The following PES1 variants were observed in gnomAD, a reference collection of about 807,000 sequenced individuals.
PES1 encodes pescadillo ribosomal biogenesis factor 1.
PES1 carries 31 observed loss-of-function variants against 77.1 expected under a neutral mutation model. The observed-to-expected ratio is 0.40, with a 90% confidence interval of 0.30 to 0.54. The LOEUF (loss-of-function observed/expected upper bound fraction) is 0.54. PES1 is among the 20% of genes least tolerant of loss of function. PES1 has a pLI of 0.45. For missense variants in PES1, 658 were observed against 771.7 expected (o/e 0.85, Z 1.75); for synonymous variants, 282 against 303.0 (o/e 0.93, Z 0.72).
intron 4 of PES1, among the ~76,000 whole-genome samples, chr22:30,585,714 G>C (rs1349896718): frequency 1.3e-5 from 2 of 148,414 alleles, no homozygotes; most frequent in African/African-American, 2.5e-5. Flanking sequence ...GGGGTTGGGG[G>C]GAGTGGGGGC....
intron 4 of PES1, chr22:30,587,035 C>G (rs2087101609): frequency 2.1e-6 from 1 of 470,698 alleles, no homozygotes; most frequent in Non-Finnish European, 3.8e-6. Context: ...TTGCCATGGC[C>G]TCTGCTTGGA....
At chr22:30,582,793 CCT>C (rs3214241) in intron 6 of PES1, among the ~76,000 whole-genome samples, 3,313 of 152,252 alleles carry the variant, frequency 0.022, 131 homozygotes, top group East Asian at 0.2. Context: ...TGTGAGGGCC[CCT>C]GACAGGCACA....
intron 1 of PES1, among the ~76,000 whole-genome samples, chr22:30,589,841 C>A (rs1379672795): frequency 2.0e-5 from 3 of 152,120 alleles, no homozygotes; most frequent in African/African-American, 7.2e-5. Flanking sequence ...TTATTAGACA[C>A]CCCCTTCCTC....
intron 9 of PES1, 80 bp from the exon 10 acceptor site, chr22:30,580,781 C>T (rs926012605): frequency 1.3e-6 from 2 of 1,587,674 alleles, no homozygotes; most frequent in East Asian, 2.2e-5. Context: ...ATAACGTCCA[C>T]TCCAGCTTCC....
At chr22:30,582,932 C>T (rs1020716883) in intron 6 of PES1, among the ~76,000 whole-genome samples, 3 of 152,198 alleles carry the variant, frequency 2.0e-5, no homozygotes, top group Admixed American at 6.5e-5. Flanking sequence ...AACTGGGCTC[C>T]GCTACGACCT....
intron 14 of PES1, among the ~76,000 whole-genome samples, chr22:30,577,986 GA>G (rs2086928098): frequency 6.6e-6 from 1 of 152,200 alleles, no homozygotes; most frequent in Non-Finnish European, 1.5e-5. Context: ...ATGGTTAAAT[GA>G]AAATTACAAC....
chr22:30,601,574 A>G (rs551325175), intron 2 of PES1, among the ~76,000 whole-genome samples: 21 of 152,230 alleles, frequency 1.4e-4, no homozygotes, highest in Admixed American at 5.2e-4. Flanking sequence ...TCAGCCTCCC[A>G]AAGTGCTGGG....
chr22:30,587,187 G>T, intron 4 of PES1, 99 bp downstream of exon 4: 1 of 856,926 alleles, frequency 1.2e-6, no homozygotes, highest in Non-Finnish European at 1.9e-6. Context: ...AGCTCTTTGA[G>T]CAGGGTCTTG....
upstream of PES1, chr22:30,591,927 A>G: frequency 2.0e-6 from 3 of 1,467,752 alleles, no homozygotes; most frequent in Non-Finnish European, 2.7e-6. Flanking sequence ...GACCCTCCCC[A>G]CCCCACGCTG....
At chr22:30,583,790 G>C (rs995028902) in intron 6 of PES1, among the ~76,000 whole-genome samples, 1 of 152,232 alleles carries the variant, frequency 6.6e-6, no homozygotes. Context: ...AATATATGTA[G>C]GAAACAGTGC....
At chr22:30,581,264 C>A (rs551545035) in intron 8 of PES1, 70 bp downstream of exon 8, 1 of 1,521,626 alleles carries the variant, frequency 6.6e-7, no homozygotes, top group Admixed American at 1.7e-5. Context: ...CTGAACCAGA[C>A]CCCCAGAGGT....
At chr22:30,595,310 C>T (rs147117748), upstream of PES1, among the ~76,000 whole-genome samples, 3 of 151,900 alleles carry the variant, frequency 2.0e-5, no homozygotes, top group East Asian at 1.9e-4. Context: ...GAGGCCAAGG[C>T]GGGTGGATCA....
chr22:30,587,536 C>A (rs2087110465), intron 3 of PES1, 141 bp from the exon 4 acceptor site: 1 of 650,740 alleles, frequency 1.5e-6, no homozygotes, highest in Non-Finnish European at 2.7e-6. Context: ...GTCACTGACC[C>A]CTCTGCCCAG....
chr22:30,589,169 C>T (rs766935525), intron 2 of PES1, 22 bp downstream of exon 2: 21 of 1,598,978 alleles, frequency 1.3e-5, no homozygotes, highest in Non-Finnish European at 1.6e-5. Flanking sequence ...GCCCGGGCTT[C>T]CCACGGTCCC....
rs367597737 is a variant in PES1 at position 30,584,232 on chromosome 22, C to T, written c.630+133G>A. ...GGATGCTGTGTGGCACATTCTGCCG[C>T]GCCTCACCCCTCATCAACAGTTGGG... On this transcript the variant is annotated intron_variant, in intron 6 of 14. Coordinates refer to ENST00000354694, the MANE Select transcript of PES1 (RefSeq NM_014303.4). 3.1e-4 allele frequency: 217 copies of T among 699,226 alleles called. 2 individuals are homozygous for T. The East Asian group carries it at 5.3e-3, about 17-fold the overall frequency. The allele number at this position is 699,226 out of a possible 1,614,324, so 43.3% of individuals were successfully genotyped here.
Position 30,579,938 on chromosome 22 carries a change from G to T in PES1, c.1170-3C>A, listed in dbSNP as rs748906533. The T allele has an allele frequency of 1.9e-6, 3 of 1,612,600 alleles. No individual in the cohort carries two copies. In the South Asian group the frequency reaches 3.3e-5, roughly 18 times the overall value. On this transcript the variant is annotated splice_region_variant and splice_polypyrimidine_tract_variant and intron_variant, in intron 11 of 14. Coordinates refer to ENST00000354694, the MANE Select transcript of PES1 (RefSeq NM_014303.4). ...CCCACTGGGGCTGCACGTAGCACCT[G>T]GCGCAGAGTGGCAGGCAAAAACGAG...
Position 30,579,337 on chromosome 22 carries a change from G to T in PES1, c.1355-34C>A, listed in dbSNP as rs373901059. 11 of 1,599,244 alleles carry T rather than the reference G, an allele frequency of 6.9e-6. No homozygotes were observed. The African/African-American group carries it at 1.5e-4, about 21-fold the overall frequency. ...AGCCAATGTCCTCTGAATGCCCTGG[G>T]AATCTACTGTCTCTCTGGCAGGGTG... is the stretch of plus-strand genomic sequence containing the variant. On this transcript the variant is annotated intron_variant, in intron 12 of 14. Coordinates refer to ENST00000354694, the MANE Select transcript of PES1 (RefSeq NM_014303.4).
upstream of PES1, among the ~76,000 whole-genome samples, chr22:30,596,143 A>G (rs1378552487): frequency 6.6e-6 from 1 of 152,212 alleles, no homozygotes; most frequent in Non-Finnish European, 1.5e-5. Context: ...CAGAGTTAAC[A>G]TGTAGAGTCT....
chr22:30,579,048 C>T (rs376203358), intron 13 of PES1, 50 bp from the exon 14 acceptor site: 16 of 1,603,636 alleles, frequency 1.0e-5, no homozygotes, highest in Non-Finnish European at 1.4e-5. Flanking sequence ...CCGACCTCCA[C>T]AGTCCTCTGG....
Sources: gnomAD v4.1 joint callset for allele counts (sites outside exome capture counted in the v4.1 genomes callset) on GRCh38, gnomAD v4.1.1 for gene constraint, MANE v1.5 for transcripts, NCBI Gene and HGNC (gene_info 2026-07-23, HGNC 2026-07-21) for gene names.